Variants in ASAP1 observed in about 807,000 individuals in gnomAD.
ASAP1 encodes arf-GAP with SH3 domain, ANK repeat and PH domain-containing protein 1.
ASAP1 carries 43 observed loss-of-function variants against 145.2 expected under a neutral mutation model. The ratio of observed to expected loss-of-function variants is 0.30; its 90% CI spans 0.23 to 0.38. The LOEUF (loss-of-function observed/expected upper bound fraction) is 0.38, where lower values mean the gene tolerates loss of function less well. Among genes scored for constraint, ASAP1 ranks in the 10% least tolerant of loss-of-function variants. ASAP1 has a pLI of 1.00. For synonymous variants in ASAP1, 546 were observed against 515.5 expected (o/e 1.06, Z -0.80); for missense variants, 1,018 against 1,355.3 (o/e 0.75, Z 3.91).
chr8:130,344,678 A>C (rs1282748897), intron 3 of ASAP1, among the ~76,000 whole-genome samples: 1 of 152,212 alleles, frequency 6.6e-6, no homozygotes. Flanking sequence ...AACCTGCAGT[A>C]AGTAAGCATG....
intron 2 of ASAP1, among the ~76,000 whole-genome samples, chr8:130,390,528 T>G (rs1257494997): frequency 6.6e-6 from 1 of 152,232 alleles, no homozygotes; most frequent in East Asian, 1.9e-4. Flanking sequence ...GGACTGAAAT[T>G]ACCTGTTAGA....
At chr8:130,072,826 C>T (rs139002096) in intron 27 of ASAP1, among the ~76,000 whole-genome samples, 1,802 of 12,654 alleles carry the variant, frequency 0.14, 72 homozygotes, top group African/African-American at 0.16. Flanking sequence ...TGTGTGTGTG[C>T]GCGCGGGGGG....
intron 13 of ASAP1, among the ~76,000 whole-genome samples, chr8:130,140,032 T>C (rs1237432476): frequency 7.1e-6 from 1 of 140,190 alleles, no homozygotes; most frequent in Non-Finnish European, 1.6e-5. Flanking sequence ...TTCTTTCTCC[T>C]TTTTGTTTTT....
At chr8:130,280,670 G>A (rs189484977) in intron 3 of ASAP1, among the ~76,000 whole-genome samples, 1 of 152,336 alleles carries the variant, frequency 6.6e-6, no homozygotes, top group African/African-American at 2.4e-5. Context: ...CTATTAGAGA[G>A]TGAAAATTTG....
chr8:130,332,894 A>G (rs1435851124), intron 3 of ASAP1, among the ~76,000 whole-genome samples: 2 of 151,368 alleles, frequency 1.3e-5, no homozygotes, highest in African/African-American at 4.9e-5. Context: ...AATCTAAGAA[A>G]TCTATAACAG....
At chr8:130,362,718 G>C (rs914736743) in intron 2 of ASAP1, among the ~76,000 whole-genome samples, 8 of 152,170 alleles carry the variant, frequency 5.3e-5, no homozygotes, top group Admixed American at 1.3e-4. Context: ...CAGAGACCTC[G>C]CTTATTTTCA....
At chr8:130,065,313 C>A (rs999941340) in intron 27 of ASAP1, among the ~76,000 whole-genome samples, 1 of 152,170 alleles carries the variant, frequency 6.6e-6, no homozygotes, top group Non-Finnish European at 1.5e-5. Flanking sequence ...CCTCCCGGCA[C>A]GTGAGCGAGT....
rs1357141353 is a variant in ASAP1 at position 130,153,347 on chromosome 8, ATATATATATATG to A, written c.1011-554_1011-543del. Among the ~76,000 whole-genome samples, 101 of 49,076 alleles carry A rather than the reference ATATATATATATG, an allele frequency of 2.1e-3. 2 individuals carry two copies. Among genetic ancestry groups the A allele is most frequent in the Middle Eastern group, 0.032 (2 of 62 alleles). 32.2% of individuals were successfully genotyped at this position (49,076 alleles called of 152,430 possible). A position where few individuals can be genotyped will look rare whatever the true frequency, so the allele number is the denominator to read the frequency against. Reference sequence around the variant, plus strand: ...CTGCTTTTTAAATATATATATATATATATATATATATGTATATATATATATATATATATATAT... The same window carrying A: ...CTGCTTTTTAAATATATATATATATATATATATATATATATATATATATAT... On this transcript the variant is annotated intron_variant, in intron 12 of 29. Transcript: ENST00000518721.
At chr8:130,132,812 T>C (rs72722353) in intron 15 of ASAP1, among the ~76,000 whole-genome samples, 3,331 of 150,972 alleles carry the variant, frequency 0.022, 48 homozygotes, top group Non-Finnish European at 0.034. Flanking sequence ...TTTGTCTTTC[T>C]ACCTTCTCTC....
intron 24 of ASAP1, among the ~76,000 whole-genome samples, chr8:130,107,951 T>C (rs944812317): frequency 1.3e-5 from 2 of 152,244 alleles, no homozygotes; most frequent in African/African-American, 4.8e-5. Context: ...TAGGCAGCCA[T>C]GGTCTGGCTT....
At chr8:130,224,246 C>T (rs1166293632) in intron 4 of ASAP1, among the ~76,000 whole-genome samples, 7 of 152,114 alleles carry the variant, frequency 4.6e-5, no homozygotes, top group Non-Finnish European at 8.8e-5. Flanking sequence ...ATACAGTGAG[C>T]TATAATGTAA....
intron 3 of ASAP1, among the ~76,000 whole-genome samples, chr8:130,346,297 A>G (rs1014874588): frequency 3.9e-5 from 6 of 152,170 alleles, no homozygotes; most frequent in African/African-American, 1.4e-4. Context: ...TTATCCCAAA[A>G]TCAGGAAGAA....
At chr8:130,138,166 C>T (rs1312851258) in intron 13 of ASAP1, among the ~76,000 whole-genome samples, 1 of 152,144 alleles carries the variant, frequency 6.6e-6, no homozygotes, top group Non-Finnish European at 1.5e-5. Flanking sequence ...ATCAAGACAC[C>T]TTCAATGACA....
chr8:130,201,126 G>T (rs751573375), intron 5 of ASAP1, among the ~76,000 whole-genome samples: 2 of 152,176 alleles, frequency 1.3e-5, no homozygotes, highest in Non-Finnish European at 2.9e-5. Flanking sequence ...AAGGTGAAAT[G>T]GATGCAAGAT....
At chr8:130,180,515 A>G (rs995700034) in intron 8 of ASAP1, among the ~76,000 whole-genome samples, 1 of 152,228 alleles carries the variant, frequency 6.6e-6, no homozygotes, top group Non-Finnish European at 1.5e-5. Context: ...GTTCTCACCA[A>G]AGAATCCTGT....
intron 15 of ASAP1, among the ~76,000 whole-genome samples, chr8:130,129,827 T>C (rs1263305359): frequency 1.3e-5 from 2 of 152,118 alleles, no homozygotes; most frequent in East Asian, 3.8e-4. Flanking sequence ...AAACTGAACA[T>C]TTCAAAACCA....
intron 3 of ASAP1, among the ~76,000 whole-genome samples, chr8:130,315,296 A>G (rs2137588302): frequency 6.6e-6 from 1 of 152,330 alleles, no homozygotes; most frequent in Non-Finnish European, 1.5e-5. Context: ...AAACTGGTAC[A>G]TTCTTTGTAT....
At chr8:130,355,249 C>G (rs1292556565) in intron 3 of ASAP1, among the ~76,000 whole-genome samples, 2 of 152,190 alleles carry the variant, frequency 1.3e-5, no homozygotes, top group Non-Finnish European at 2.9e-5. Context: ...GCATCAACAT[C>G]TGCACAACAC....
chr8:130,230,006 C>T lies in ASAP1; in HGVS notation c.259+6916G>A, dbSNP rs868602416. Among the ~76,000 whole-genome samples the T allele has an allele frequency of 4.6e-5, 7 of 151,892 alleles. 1 individual carries two copies. Among genetic ancestry groups the T allele is most frequent in the Admixed American group, 2.6e-4 (4 of 15,230 alleles). ...CCTGAGCCTGGGAGGTCAAGGATGCCGTGAGTGAGACTGCGTTACTGCTCT... is the reference window on the plus strand; with the variant it reads ...CCTGAGCCTGGGAGGTCAAGGATGCTGTGAGTGAGACTGCGTTACTGCTCT... On this transcript the variant is annotated intron_variant, in intron 4 of 29. Coordinates refer to ENST00000518721, the MANE Select transcript of ASAP1 (RefSeq NM_018482.4).
Sources: allele counts gnomAD v4.1 joint callset (sites outside exome capture counted in the v4.1 genomes callset), GRCh38; gene constraint gnomAD v4.1.1; transcripts MANE v1.5; gene names NCBI Gene and HGNC (gene_info 2026-07-23, HGNC 2026-07-21).